Variants in UBE4A observed in about 807,000 individuals in gnomAD.
The protein encoded by UBE4A is ubiquitination factor E4A, also known as ubiquitin conjugation factor E4 A.
UBE4A carries 48 observed loss-of-function variants against 117.9 expected under a neutral mutation model. The ratio of observed to expected loss-of-function variants is 0.41; its 90% confidence interval spans 0.32 to 0.52. The LOEUF (loss-of-function observed/expected upper bound fraction) is 0.52, where lower values mean the gene tolerates loss of function less well. Ranked by LOEUF, UBE4A falls within the 20% of genes least tolerant of loss-of-function variation. UBE4A has a pLI of 0.33. For synonymous variants in UBE4A, 407 were observed against 450.0 expected (o/e 0.90, Z 1.21); for missense variants, 1,067 against 1,296.3 (o/e 0.82, Z 2.72).
At chr11:118,387,647 AG>A (rs1265156679) in intron 16 of UBE4A, among the ~76,000 whole-genome samples, 1 of 152,232 alleles carries the variant, frequency 6.6e-6, no homozygotes, top group Non-Finnish European at 1.5e-5. Flanking sequence ...ACCCACAGTG[AG>A]GTATGACATT....
chr11:118,361,464 T>C (rs1438034334), intron 1 of UBE4A, among the ~76,000 whole-genome samples: 1 of 152,200 alleles, frequency 6.6e-6, no homozygotes, highest in East Asian at 1.9e-4. Flanking sequence ...TAAACTGGCA[T>C]CTCCACAAAG....
intron 3 of UBE4A, 108 bp downstream of exon 3, chr11:118,368,912 C>G (rs1286745753): frequency 1.8e-6 from 2 of 1,120,660 alleles, no homozygotes; most frequent in African/African-American, 3.1e-5. Context: ...AACCTACTCA[C>G]TGCACTCCCT....
At chr11:118,369,763 A>G (rs1282752769) in intron 4 of UBE4A, among the ~76,000 whole-genome samples, 1 of 150,528 alleles carries the variant, frequency 6.6e-6, no homozygotes, top group Admixed American at 6.7e-5. Context: ...GCCCAAATCT[A>G]CCCATCCTCT....
chr11:118,389,673 G>A, intron 16 of UBE4A, 52 bp from the exon 17 acceptor site: 2 of 1,477,634 alleles, frequency 1.4e-6, no homozygotes. Flanking sequence ...TACCTAATAA[G>A]GAAAAGAGTG....
intron 16 of UBE4A, among the ~76,000 whole-genome samples, 194 bp downstream of exon 16, chr11:118,386,806 G>A (rs1948763581): frequency 6.6e-6 from 1 of 152,178 alleles, no homozygotes; most frequent in Admixed American, 6.5e-5. Flanking sequence ...GTGAGGAAAT[G>A]GTCACCCTCA....
intron 15 of UBE4A, among the ~76,000 whole-genome samples, chr11:118,385,867 C>T (rs1206139957): frequency 2.0e-5 from 3 of 152,076 alleles, no homozygotes; most frequent in Non-Finnish European, 4.4e-5. Flanking sequence ...ACAAACAGGC[C>T]CTTTTAAGCA....
intron 5 of UBE4A, among the ~76,000 whole-genome samples, 183 bp downstream of exon 5, chr11:118,371,849 G>A (rs1948612837): frequency 6.6e-6 from 1 of 152,126 alleles, no homozygotes; most frequent in Non-Finnish European, 1.5e-5. Context: ...TAGAACACTG[G>A]ATATCAGATG....
intron 1 of UBE4A, among the ~76,000 whole-genome samples, chr11:118,363,575 T>G (rs1948538431): frequency 6.6e-6 from 1 of 151,466 alleles, no homozygotes; most frequent in Non-Finnish European, 1.5e-5. Flanking sequence ...CTTTCTCTGG[T>G]AAATAAGGGT....
Position 118,396,420 on chromosome 11 carries a change from C to G in UBE4A, c.3181C>G (p.Gln1061Glu). The change falls in exon 20 of 20, where the codon CAA (glutamine) becomes GAA (glutamate). Residue 1061 changes from glutamine (Q) to glutamate (E), a missense_variant. By Grantham distance (29) the Gln-to-Glu change is conservative (BLOSUM62 2). Around this residue, in one of 3 missense-constraint regions of UBE4A, gnomAD observed 32 missense variants for 34.5 expected, o/e 0.93. Transcript: ENST00000252108. ...IQRWLAERKQ[Q>E]KEQLE ...ACGGTGGCTTGCAGAGAGGAAACAA[C>G]AAAAGGAGCAACTTGAATAGATACT... The G allele has an allele frequency of 4.3e-6, 7 of 1,613,710 alleles. No individual in the cohort carries two copies. The highest frequency in any genetic ancestry group is 5.9e-6 in the Non-Finnish European group (7 of 1,179,836).
chr11:118,384,500 C>A, intron 13 of UBE4A, 135 bp from the exon 14 acceptor site: 1 of 726,628 alleles, frequency 1.4e-6, no homozygotes, highest in Non-Finnish European at 2.3e-6. Context: ...CCTTTAGAAA[C>A]TCCAGGGCAG....
rs782179381 is a variant in UBE4A, at chr11:118,382,621, C to T, written c.2042C>T (p.Ala681Val). The change falls in exon 13 of 20, where the codon GCA becomes GTA. Residue 681 changes from alanine to valine, a missense_variant. Around this residue, in one of 3 missense-constraint regions of UBE4A, gnomAD observed 1,001 missense variants for 1,184.0 expected, o/e 0.85. Coordinates refer to ENST00000252108, the MANE Select transcript of UBE4A (RefSeq NM_001204077.2). ...MKNPHLRAKL[A>V]EVLEAVMPHL... ...AATCCCCACCTGAGGGCCAAACTAG[C>T]AGAGGTGTTGGAAGCAGTGATGCCC... The T allele has an allele frequency of 3.0e-5, 48 of 1,578,214 alleles. No homozygotes were observed. Among genetic ancestry groups the T allele is most frequent in the Non-Finnish European group, 3.9e-5 (45 of 1,157,356 alleles).
In UBE4A at chr11:118,369,488, G is replaced by A. The variant is rs1948591218; in HGVS notation, c.361G>A (p.Val121Ile). 1.2e-6 allele frequency: 2 copies of A among 1,614,206 alleles called. No individual in the cohort carries two copies. Among genetic ancestry groups the A allele is most frequent in the Non-Finnish European group, 1.7e-6 (2 of 1,180,032 alleles). ...TTGTGTGTATTTGGAAGAAATGGCA[G>A]TAGAGCTAGAAGATCAAGACTGGCT... ...SRCVYLEEMA[V>I]ELEDQDWLDM... The change falls in exon 4 of 20, where the codon GTA (valine) becomes ATA (isoleucine). Residue 121 changes from valine to isoleucine, a missense_variant. Around this residue, in one of 3 missense-constraint regions of UBE4A, gnomAD observed 1,001 missense variants for 1,184.0 expected, o/e 0.85. Transcript: ENST00000252108.
intron 1 of UBE4A, among the ~76,000 whole-genome samples, chr11:118,361,009 T>TGTG (rs1434331459): frequency 1.1e-5 from 1 of 89,698 alleles, no homozygotes; most frequent in Non-Finnish European, 2.5e-5. Context: ...TGTGTGTGTA[T>TGTG]TTTTTTTTTT....
chr11:118,374,774 A>C, intron 8 of UBE4A, 122 bp from the exon 9 acceptor site: 1 of 905,138 alleles, frequency 1.1e-6, no homozygotes, highest in Non-Finnish European at 1.6e-6. Context: ...GGGATGAGGC[A>C]CAGAGAGTGA....
chr11:118,366,075 A>G (rs936866791), intron 2 of UBE4A, among the ~76,000 whole-genome samples: 1 of 150,034 alleles, frequency 6.7e-6, no homozygotes, highest in African/African-American at 2.4e-5. Context: ...AAAAAAAAAA[A>G]CACTCAGGTG....
intron 13 of UBE4A, 104 bp downstream of exon 13, chr11:118,382,880 T>TA: frequency 8.9e-7 from 1 of 1,123,372 alleles, no homozygotes; most frequent in Non-Finnish European, 1.2e-6. Flanking sequence ...AGCCATTACT[T>TA]ATTGAATACC....
chr11:118,370,036 G>A (rs1948596802), intron 4 of UBE4A, among the ~76,000 whole-genome samples: 1 of 151,688 alleles, frequency 6.6e-6, no homozygotes, highest in Non-Finnish European at 1.5e-5. Context: ...AGGTTGCAAT[G>A]AGCCGAGATC....
intron 2 of UBE4A, 102 bp from the exon 3 acceptor site, chr11:118,368,529 A>C: frequency 7.6e-7 from 1 of 1,319,612 alleles, no homozygotes; most frequent in Non-Finnish European, 1.1e-6. Flanking sequence ...CTTGTTTTAC[A>C]TCTGAAATTA....
intron 16 of UBE4A, 94 bp from the exon 17 acceptor site, chr11:118,389,631 A>C: frequency 8.8e-7 from 1 of 1,141,902 alleles, no homozygotes; most frequent in Admixed American, 2.9e-5. Context: ...AAATAAAATA[A>C]CAGTAGTTCC....
Sources: gnomAD v4.1 joint callset for allele counts (sites outside exome capture counted in the v4.1 genomes callset) on GRCh38, gnomAD v4.1.1 for gene constraint, gnomAD v4.1.1 regional missense constraint, MANE v1.5 for transcripts, NCBI Gene and HGNC (gene_info 2026-07-23, HGNC 2026-07-21) for gene names.